JPH1: variants seen among roughly 807,000 people sequenced by gnomAD.
JPH1 encodes junctophilin 1.
A neutral mutation model predicts 53.6 loss-of-function variants in JPH1; 12 were observed. That is an observed-to-expected ratio of 0.22 (90% confidence interval 0.14 to 0.36). The LOEUF (loss-of-function observed/expected upper bound fraction) is 0.36. Among genes scored for constraint, JPH1 ranks in the 10% least tolerant of loss-of-function variants. JPH1 has a pLI of 1.00. For missense variants in JPH1, 808 were observed against 905.5 expected (o/e 0.89, Z 1.38); for synonymous variants, 375 against 363.8 (o/e 1.03, Z -0.35).
At chr8:74,262,798 T>G (rs1000302465) in intron 2 of JPH1, among the ~76,000 whole-genome samples, 1 of 152,226 alleles carries the variant, frequency 6.6e-6, no homozygotes, top group African/African-American at 2.4e-5. Flanking sequence ...CTGGTTATGC[T>G]CACTGAGCAG....
At chr8:74,267,624 A>G (rs116148441) in intron 2 of JPH1, among the ~76,000 whole-genome samples, 164 of 152,310 alleles carry the variant, frequency 1.1e-3, no homozygotes, top group African/African-American at 3.7e-3. Flanking sequence ...GCCGGACTGA[A>G]GGGAGTTGGC....
At chr8:74,303,641 T>A (rs1807747355) in intron 2 of JPH1, among the ~76,000 whole-genome samples, 1 of 152,158 alleles carries the variant, frequency 6.6e-6, no homozygotes, top group Admixed American at 6.5e-5. Flanking sequence ...TGGAATGCAG[T>A]GGCGTGATCA....
chr8:74,313,384 T>C (rs1289085445), intron 2 of JPH1, among the ~76,000 whole-genome samples: 1 of 152,128 alleles, frequency 6.6e-6, no homozygotes, highest in African/African-American at 2.4e-5. Flanking sequence ...AGACCCTTCA[T>C]TAAAGTTTGT....
Position 74,314,957 on chromosome 8 carries a change from C to T in JPH1, c.1043G>A (p.Arg348Lys). Residue 348 changes from arginine to lysine, a missense_variant, in exon 2 of 6, where the codon AGA becomes AAA. Transcript: ENST00000342232. Reference sequence around the variant, plus strand: ...CACCTTCTCCCTAGTTTTTGTATGTCTTATTGGTATAAGCTGCTTCCTTAT... The same window carrying T: ...CACCTTCTCCCTAGTTTTTGTATGTTTTATTGGTATAAGCTGCTTCCTTAT... ...RGIRKQLIPI[R>K]HTKTREKVDR... The T allele has an allele frequency of 6.2e-7, 1 of 1,614,164 alleles. No homozygotes were observed. Among genetic ancestry groups the T allele is most frequent in the Non-Finnish European group, 8.5e-7 (1 of 1,180,038 alleles).
At chr8:74,257,724 C>A (rs1387772451) in intron 3 of JPH1, among the ~76,000 whole-genome samples, 1 of 152,076 alleles carries the variant, frequency 6.6e-6, no homozygotes, top group Non-Finnish European at 1.5e-5. Flanking sequence ...GGAAAGGTTC[C>A]TTTTCCTAAA....
chr8:74,286,673 G>A (rs564444231), intron 2 of JPH1, among the ~76,000 whole-genome samples: 3 of 152,238 alleles, frequency 2.0e-5, no homozygotes, highest in Admixed American at 6.5e-5. Flanking sequence ...AAACATATAA[G>A]TAATTGGCCA....
rs138698037 is a variant in JPH1, at chr8:74,253,686, C to T, written c.1258+5699G>A. On this transcript the variant is annotated intron_variant, in intron 3 of 5. Coordinates refer to ENST00000342232, the MANE Select transcript of JPH1 (RefSeq NM_020647.4). ...AGAAAAGAGAGAAGAATCAAATAGA[C>T]GCAATAAAAAATGACAAAGGGGATA... 8.0e-3 allele frequency among the ~76,000 whole-genome samples: 1,220 copies of T among 151,940 alleles called. 8 individuals are homozygous for T. Among genetic ancestry groups the T allele is most frequent in the East Asian group, 0.027 (140 of 5,172 alleles).
Position 74,297,109 on chromosome 8 carries a change from C to A in JPH1, c.1139+17752G>T, listed in dbSNP as rs887911433. 2.6e-5 allele frequency among the ~76,000 whole-genome samples: 4 copies of A among 152,194 alleles called. No homozygotes were observed. The East Asian group carries it at 7.7e-4, about 29-fold the overall frequency. On this transcript the variant is annotated intron_variant, in intron 2 of 5. Coordinates refer to ENST00000342232, the MANE Select transcript of JPH1 (RefSeq NM_020647.4). Reference sequence around the variant, plus strand: ...AAAAAAAACTGCTGGTGGACTACAGCAGAACATTCATATAACTAGTATTTT... The same window carrying A: ...AAAAAAAACTGCTGGTGGACTACAGAAGAACATTCATATAACTAGTATTTT...
intron 4 of JPH1, among the ~76,000 whole-genome samples, chr8:74,241,697 G>A (rs1805693966): frequency 6.6e-6 from 1 of 152,166 alleles, no homozygotes; most frequent in Non-Finnish European, 1.5e-5. Context: ...AGTATTAACA[G>A]CAAAGTTTAA....
At chr8:74,283,822 T>C (rs1253094621) in intron 2 of JPH1, among the ~76,000 whole-genome samples, 1 of 152,206 alleles carries the variant, frequency 6.6e-6, no homozygotes, top group African/African-American at 2.4e-5. Flanking sequence ...AACTCTTGGA[T>C]TTAGTCCCAT....
At chr8:74,247,878 C>T (rs1438975710) in intron 3 of JPH1, among the ~76,000 whole-genome samples, 1 of 152,078 alleles carries the variant, frequency 6.6e-6, no homozygotes, top group Admixed American at 6.5e-5. Context: ...TATAACTTAT[C>T]AATATATACA....
intron 2 of JPH1, among the ~76,000 whole-genome samples, chr8:74,263,236 A>G (rs1308756571): frequency 6.6e-6 from 1 of 152,178 alleles, no homozygotes; most frequent in Non-Finnish European, 1.5e-5. Flanking sequence ...CTAAAGGTGA[A>G]GCGCTATTTC....
intron 2 of JPH1, among the ~76,000 whole-genome samples, chr8:74,310,609 G>C (rs1227736836): frequency 6.6e-6 from 1 of 152,106 alleles, no homozygotes; most frequent in African/African-American, 2.4e-5. Flanking sequence ...TCTGAAACAA[G>C]CCTCCTGTAT....
Position 74,315,358 on chromosome 8 carries a change from C to G in JPH1, c.642G>C (p.Arg214Ser), listed in dbSNP as rs151242780. The G allele has an allele frequency of 6.2e-7, 1 of 1,612,932 alleles. No individual in the cohort carries two copies. Among genetic ancestry groups the G allele is most frequent in the African/African-American group, 1.3e-5 (1 of 75,004 alleles). Residue 214 changes from arginine (R) to serine (S), a missense_variant, in exon 2 of 6, where the codon AGG (arginine) becomes AGC (serine). This residue lies in a region of JPH1 where 756 missense variants were observed against 811.9 expected (regional missense o/e 0.93). Transcript: ENST00000342232. The surrounding 1 kb of genome is among the most constrained non-coding windows in gnomAD (Gnocchi z 6.3). ...AGKKKGGLFR[R>S]GSLLGSMKLR... is the part of the protein sequence containing the mutation. ...GTTTCATGCTTCCAAGAAGGGAGCCCCTCCGGAAGAGGCCGCCCTTCTTCT... is the reference window on the plus strand; with the variant it reads ...GTTTCATGCTTCCAAGAAGGGAGCCGCTCCGGAAGAGGCCGCCCTTCTTCT...
chr8:74,280,343 T>C (rs896668530), intron 2 of JPH1, among the ~76,000 whole-genome samples: 1 of 152,132 alleles, frequency 6.6e-6, no homozygotes, highest in African/African-American at 2.4e-5. Flanking sequence ...TGTGAGGTGG[T>C]GAAAACTTGG....
chr8:74,253,947 C>T (rs553236810), intron 3 of JPH1, among the ~76,000 whole-genome samples: 5,848 of 152,064 alleles, frequency 0.038, 389 homozygotes, highest in African/African-American at 0.13. Context: ...GATTCACAGC[C>T]GAATTCTACC....
chr8:74,252,389 T>C (rs1430881761), intron 3 of JPH1, among the ~76,000 whole-genome samples: 2 of 152,120 alleles, frequency 1.3e-5, no homozygotes, highest in Admixed American at 1.3e-4. Flanking sequence ...ACAGGCAACC[T>C]ACCGAATGGG....
rs145729805 is a variant in JPH1, at chr8:74,261,662, G to A, written c.1140-2159C>T. ...GCCTGATAATCAACAGATGCCCTCCGCTAATGTTCTTTCAGTTTCTCAGAA... is the reference window on the plus strand; with the variant it reads ...GCCTGATAATCAACAGATGCCCTCCACTAATGTTCTTTCAGTTTCTCAGAA... On this transcript the variant is annotated intron_variant, in intron 2 of 5. Coordinates refer to ENST00000342232, the MANE Select transcript of JPH1 (RefSeq NM_020647.4). Among the ~76,000 whole-genome samples the A allele has an allele frequency of 9.2e-5, 14 of 152,214 alleles. No homozygotes were observed. The East Asian group carries it at 2.1e-3, about 23-fold the overall frequency.
At chr8:74,306,908 A>C (rs1807853292) in intron 2 of JPH1, among the ~76,000 whole-genome samples, 1 of 152,150 alleles carries the variant, frequency 6.6e-6, no homozygotes, top group African/African-American at 2.4e-5. Flanking sequence ...ACACTAACAT[A>C]CTTAATATAA....
Sources: allele counts gnomAD v4.1 joint callset (sites outside exome capture counted in the v4.1 genomes callset), GRCh38; gene constraint gnomAD v4.1.1; regional missense constraint gnomAD v4.1.1; non-coding constraint Gnocchi (gnomAD v3.1); transcripts MANE v1.5; gene names NCBI Gene and HGNC (gene_info 2026-07-23, HGNC 2026-07-21).